The following SETBP1 variants were observed in gnomAD, a reference collection of about 807,000 sequenced individuals.
The protein encoded by SETBP1 is SET binding protein 1, also known as SET-binding protein.
In SETBP1, 9 loss-of-function variants were observed where a neutral mutation model predicts 101.0. The ratio of observed to expected loss-of-function variants is 0.09; its 90% confidence interval spans 0.05 to 0.16. SETBP1 has a LOEUF of 0.16. SETBP1 is among the 10% of genes least tolerant of loss of function. The pLI, the probability that SETBP1 is intolerant of heterozygous loss-of-function variation, is 1.00. For synonymous variants in SETBP1, 818 were observed against 788.5 expected (o/e 1.04, Z -0.63); for missense variants, 1,858 against 2,033.8 (o/e 0.91, Z 1.66).
intron 2 of SETBP1, among the ~76,000 whole-genome samples, chr18:44,829,086 G>A (rs143956591): frequency 7.6e-4 from 116 of 152,344 alleles, no homozygotes; most frequent in African/African-American, 2.6e-3. Context: ...AACAGTGAAA[G>A]TTTCCTTCCC....
intron 2 of SETBP1, among the ~76,000 whole-genome samples, chr18:44,747,462 A>AG (rs1008906552): frequency 3.9e-5 from 6 of 152,262 alleles, no homozygotes; most frequent in African/African-American, 1.4e-4. Context: ...TAGAAAGGAG[A>AG]GGTGCTGGCC....
intron 3 of SETBP1, among the ~76,000 whole-genome samples, chr18:44,918,774 G>C (rs186433594): frequency 6.6e-6 from 1 of 152,338 alleles, no homozygotes; most frequent in African/African-American, 2.4e-5. Flanking sequence ...AAGAGAATGT[G>C]AGAATTTGTG....
chr18:44,805,449 T>C (rs1311154462), intron 2 of SETBP1, among the ~76,000 whole-genome samples: 2 of 151,836 alleles, frequency 1.3e-5, no homozygotes, highest in African/African-American at 2.4e-5. Context: ...TGTTTGTACG[T>C]GTACTTCTCT....
intron 2 of SETBP1, among the ~76,000 whole-genome samples, chr18:44,826,040 G>A (rs1325347763): frequency 2.6e-5 from 4 of 152,188 alleles, no homozygotes; most frequent in African/African-American, 9.7e-5. Context: ...AATTTAGTAG[G>A]TTCTCAATAA....
intron 2 of SETBP1, among the ~76,000 whole-genome samples, chr18:44,809,317 C>G (rs545518640): frequency 1.3e-5 from 2 of 152,260 alleles, no homozygotes; most frequent in East Asian, 3.9e-4. Flanking sequence ...GAAGAGACTT[C>G]AGAAACTGAC....
intron 3 of SETBP1, among the ~76,000 whole-genome samples, chr18:44,927,396 A>T (rs1359424523): frequency 6.6e-6 from 1 of 152,170 alleles, no homozygotes; most frequent in Non-Finnish European, 1.5e-5. Context: ...ACTCTATAGC[A>T]TGTCAGCACC....
At chr18:44,683,048 G>A (rs958505249) in intron 1 of SETBP1, among the ~76,000 whole-genome samples, 43 of 152,304 alleles carry the variant, frequency 2.8e-4, no homozygotes, top group African/African-American at 9.9e-4. Flanking sequence ...ATAAGGTGGA[G>A]TGTCTGAGAG....
At chr18:45,001,370 A>G (rs942826917) in intron 4 of SETBP1, among the ~76,000 whole-genome samples, 18 of 152,242 alleles carry the variant, frequency 1.2e-4, no homozygotes, top group African/African-American at 4.3e-4. Flanking sequence ...GTAAATGCAC[A>G]ATAAATGTTA....
At chr18:44,796,237 T>C (rs1042576823) in intron 2 of SETBP1, among the ~76,000 whole-genome samples, 2 of 152,230 alleles carry the variant, frequency 1.3e-5, no homozygotes, top group African/African-American at 4.8e-5. Flanking sequence ...ATTTTATGTA[T>C]TGAATTTCCC....
Position 44,952,854 on chromosome 18 carries a change from G to C in SETBP1, c.3514G>C (p.Gly1172Arg), listed in dbSNP as rs987681829. The change falls in exon 4 of 6, where the codon GGT (glycine) becomes CGT (arginine). Residue 1172 changes from glycine (G) to arginine (R), a missense_variant. Physicochemically the swap from Gly to Arg is moderately radical, Grantham distance 125. Around this residue, in one of 12 missense-constraint regions of SETBP1, gnomAD observed 417 missense variants for 389.1 expected, o/e 1.07. Coordinates refer to ENST00000649279, the MANE Select transcript of SETBP1 (RefSeq NM_015559.3). Reference protein sequence around the residue: ...RILGTHDNLSGLFAGKATGFS... With the variant: ...RILGTHDNLSRLFAGKATGFS... Reference sequence around the variant, plus strand: ...CCTAGGGACCCATGACAACCTGAGTGGTCTTTTTGCAGGCAAAGCCACAGG... The same window carrying C: ...CCTAGGGACCCATGACAACCTGAGTCGTCTTTTTGCAGGCAAAGCCACAGG... 16 of 1,614,024 alleles carry C rather than the reference G, an allele frequency of 9.9e-6. No homozygotes were observed. The highest frequency in any genetic ancestry group is 1.3e-5 in the Non-Finnish European group (15 of 1,180,044).
chr18:44,809,839 T>C (rs776604464), intron 2 of SETBP1, among the ~76,000 whole-genome samples: 1 of 152,210 alleles, frequency 6.6e-6, no homozygotes, highest in East Asian at 1.9e-4. Flanking sequence ...GTTAGGAAGA[T>C]TAGGAGGTTG....
At position 44,992,644 on chromosome 18, in the gene SETBP1, T is replaced by C. The variant is rs2072403419; in HGVS notation, c.4000+39304T>C. 2.0e-5 allele frequency among the ~76,000 whole-genome samples: 3 copies of C among 152,170 alleles called. No individual in the cohort carries two copies. The South Asian group carries it at 6.2e-4, about 32-fold the overall frequency. ...TTGGGAAAAGAATATAACTTAAAAA[T>C]ATCAATTCAAGGAGAAATAGAAAAC... is the stretch of plus-strand genomic sequence containing the variant. On this transcript the variant is annotated intron_variant, in intron 4 of 5. Transcript: ENST00000649279.
chr18:45,047,517 G>A (rs866717566), intron 5 of SETBP1, among the ~76,000 whole-genome samples: 3 of 152,178 alleles, frequency 2.0e-5, no homozygotes, highest in Non-Finnish European at 4.4e-5. Flanking sequence ...GCAACTGAAA[G>A]CAACTGTGTT....
intron 4 of SETBP1, among the ~76,000 whole-genome samples, chr18:44,973,857 C>T (rs557381427): frequency 1.8e-4 from 28 of 152,198 alleles, no homozygotes; most frequent in African/African-American, 6.5e-4. Context: ...ACTGCATTTT[C>T]GGATACCACA....
chr18:44,779,880 A>G (rs1352119857), intron 2 of SETBP1, among the ~76,000 whole-genome samples: 1 of 151,730 alleles, frequency 6.6e-6, no homozygotes, highest in Non-Finnish European at 1.5e-5. Flanking sequence ...CCTTGTCTTA[A>G]TAGTCTAATA....
At chr18:44,963,427 G>A (rs188168153) in intron 4 of SETBP1, among the ~76,000 whole-genome samples, 7 of 152,270 alleles carry the variant, frequency 4.6e-5, no homozygotes, top group Middle Eastern at 3.4e-3. Flanking sequence ...TGAATGGAGC[G>A]TGAATGTCCT....
At chr18:44,969,372 A>G (rs746906035) in intron 4 of SETBP1, among the ~76,000 whole-genome samples, 1 of 152,164 alleles carries the variant, frequency 6.6e-6, no homozygotes, top group Non-Finnish European at 1.5e-5. Flanking sequence ...GCCCTCAGTT[A>G]TGTCTAATCT....
rs145338760 is a variant in SETBP1 at position 44,991,167 on chromosome 18, C to G, written c.4000+37827C>G. On this transcript the variant is annotated intron_variant, in intron 4 of 5. Transcript: ENST00000649279. Reference sequence around the variant, plus strand: ...CTAAGGCGAGAGAATTGCTTGAACCCAGGAGGTGGAAGTTGCAGTAAACCA... The same window carrying G: ...CTAAGGCGAGAGAATTGCTTGAACCGAGGAGGTGGAAGTTGCAGTAAACCA... 7.1e-3 allele frequency among the ~76,000 whole-genome samples: 1,054 copies of G among 147,560 alleles called. 10 individuals carry two copies. Among genetic ancestry groups the G allele is most frequent in the African/African-American group, 0.025 (1,003 of 40,026 alleles).
intron 2 of SETBP1, among the ~76,000 whole-genome samples, chr18:44,703,362 T>G (rs1465317746): frequency 5.5e-5 from 1 of 18,192 alleles, no homozygotes; most frequent in East Asian, 1.6e-3. Flanking sequence ...TTTTTTTTTT[T>G]TTTTTTTTTT....
Sources: allele counts gnomAD v4.1 joint callset (sites outside exome capture counted in the v4.1 genomes callset), GRCh38; gene constraint gnomAD v4.1.1; regional missense constraint gnomAD v4.1.1; transcripts MANE v1.5; gene names NCBI Gene and HGNC (gene_info 2026-07-23, HGNC 2026-07-21).